SORBS2: variants seen among roughly 807,000 people sequenced by gnomAD.
SORBS2 encodes the protein sorbin and SH3 domain containing 2, also known as sorbin and SH3 domain-containing protein 2.
In SORBS2, 46 loss-of-function variants were observed where a neutral mutation model predicts 97.7. The ratio of observed to expected loss-of-function variants is 0.47; its 90% CI spans 0.37 to 0.60. The LOEUF is 0.60. Among genes scored for constraint, SORBS2 ranks in the 20% least tolerant of loss-of-function variants. SORBS2 has a pLI of 0.00. For synonymous variants in SORBS2, 476 were observed against 473.4 expected, an observed-to-expected ratio of 1.01 and a Z score of -0.07; for missense variants, 1,316 against 1,282.3, an observed-to-expected ratio of 1.03 and a Z score of -0.40.
At chr4:185,694,739 C>CTT (rs2098150217) in intron 2 of SORBS2, among the ~76,000 whole-genome samples, 1 of 115,988 alleles carries the variant, frequency 8.6e-6, no homozygotes, top group Non-Finnish European at 1.7e-5. Context: ...CGGAGTCTCA[C>CTT]TCTGCCGCCC....
chr4:185,873,778 A>G (rs2099231755), intron 1 of SORBS2, among the ~76,000 whole-genome samples: 1 of 152,228 alleles, frequency 6.6e-6, no homozygotes, highest in South Asian at 2.1e-4. Flanking sequence ...TGGCTTTTTA[A>G]GCCAAAATAT....
chr4:185,694,745 C>T (rs1197988913), intron 2 of SORBS2, among the ~76,000 whole-genome samples: 29 of 131,784 alleles, frequency 2.2e-4, no homozygotes, highest in Admixed American at 3.6e-4. Context: ...CTCACTCTGC[C>T]GCCCAGGCTA....
chr4:185,781,675 C>T (rs2099031508), intron 1 of SORBS2, among the ~76,000 whole-genome samples: 1 of 124,314 alleles, frequency 8.0e-6, no homozygotes. Context: ...TGCCTCCGGC[C>T]TCTCCAGCCT....
At chr4:185,823,865 G>A (rs73017885) in intron 1 of SORBS2, among the ~76,000 whole-genome samples, 2,193 of 152,214 alleles carry the variant, frequency 0.014, 58 homozygotes, top group African/African-American at 0.049. Flanking sequence ...TCTGCGGTTC[G>A]ATAAAAAGGC....
At chr4:185,789,312 C>G (rs1257503341) in intron 1 of SORBS2, among the ~76,000 whole-genome samples, 2 of 152,072 alleles carry the variant, frequency 1.3e-5, no homozygotes, top group Non-Finnish European at 1.5e-5. Flanking sequence ...TTAAGCAGTC[C>G]TGTAGAGAAC....
At chr4:185,637,766 TA>T (rs2097045629) in intron 4 of SORBS2, among the ~76,000 whole-genome samples, 1 of 152,050 alleles carries the variant, frequency 6.6e-6, no homozygotes, top group Non-Finnish European at 1.5e-5. Context: ...TGTAAACAAA[TA>T]CAAATCTTCT....
At chr4:185,714,689 T>C (rs772489140) in intron 2 of SORBS2, among the ~76,000 whole-genome samples, 6 of 152,192 alleles carry the variant, frequency 3.9e-5, no homozygotes, top group African/African-American at 7.2e-5. Context: ...AAGTCATGTC[T>C]TCCATGGTGG....
intron 1 of SORBS2, among the ~76,000 whole-genome samples, chr4:185,895,063 A>C (rs1260775383): frequency 6.6e-6 from 1 of 152,224 alleles, no homozygotes; most frequent in East Asian, 1.9e-4. Flanking sequence ...TTAGACTTGA[A>C]AACATGTGAT....
Position 185,594,069 on chromosome 4 carries a change from C to T in SORBS2, c.2797-134G>A, listed in dbSNP as rs552106097. 5.9e-5 allele frequency: 37 copies of T among 632,012 alleles called. No individual in the cohort carries two copies. In the African/African-American group the frequency reaches 6.7e-4, roughly 11 times the overall value. 39.2% of individuals were successfully genotyped at this position (632,012 alleles called of 1,614,324 possible). ...AAAAAACCAAGAGGAAGAAAAAAACCAAATAAAAGCTTTCTGCAGGATTAA... is the reference window on the plus strand; with the variant it reads ...AAAAAACCAAGAGGAAGAAAAAAACTAAATAAAAGCTTTCTGCAGGATTAA... On this transcript the variant is annotated intron_variant, in intron 12 of 14. Transcript: ENST00000418609.
At chr4:185,649,535 T>C in exon 3 of SORBS2, 7 of 1,605,858 alleles carry the variant, frequency 4.4e-6, no homozygotes, top group Non-Finnish European at 6.0e-6. Context: ...GGGGAGGCAC[T>C]GGGGAGGACG....
At chr4:185,626,292 TG>T (rs1310364954) in intron 6 of SORBS2, among the ~76,000 whole-genome samples, 2 of 152,168 alleles carry the variant, frequency 1.3e-5, no homozygotes, top group Non-Finnish European at 2.9e-5. Context: ...TGGCAGGAGG[TG>T]GATGCTCCAC....
chr4:185,937,375 G>A (rs2099269456), intron 1 of SORBS2, among the ~76,000 whole-genome samples: 2 of 152,180 alleles, frequency 1.3e-5, no homozygotes, highest in African/African-American at 4.8e-5. Context: ...TCTTAACAGA[G>A]CTATTGTTAG....
chr4:185,943,291 A>G (rs1245467865), intron 1 of SORBS2, among the ~76,000 whole-genome samples: 2 of 152,228 alleles, frequency 1.3e-5, no homozygotes, highest in Non-Finnish European at 2.9e-5. Context: ...AGATTACCTA[A>G]TGATTGTAAA....
At chr4:185,661,255 G>A (rs1045538741), upstream of SORBS2, among the ~76,000 whole-genome samples, 1 of 147,980 alleles carries the variant, frequency 6.8e-6, no homozygotes, top group Non-Finnish European at 1.5e-5. Flanking sequence ...CAGCCTGGGC[G>A]ACAGAGTGAG....
chr4:185,944,489 T>C (rs2099273592), intron 1 of SORBS2, among the ~76,000 whole-genome samples: 1 of 152,206 alleles, frequency 6.6e-6, no homozygotes, highest in South Asian at 2.1e-4. Context: ...CTAGAGACTA[T>C]AAAGACACAA....
chr4:185,678,593 C>A (rs756176595), intron 3 of SORBS2, 46 bp from the exon 7 acceptor site: 12 of 1,472,104 alleles, frequency 8.2e-6, no homozygotes, highest in South Asian at 1.4e-5. Context: ...TCTACGTTCA[C>A]TTAAACATTT....
intron 1 of SORBS2, among the ~76,000 whole-genome samples, chr4:185,801,991 G>A (rs1306269104): frequency 1.3e-5 from 2 of 152,126 alleles, no homozygotes; most frequent in Non-Finnish European, 2.9e-5. Flanking sequence ...AATTCTTGAT[G>A]CTACAAAGCT....
rs189256735 is a variant in SORBS2, at chr4:185,877,487, A to G, written c.-338+78709T>C. ...TATATTTGATTTAATCATTGAAAAT[A>G]CAGCTATTTATTTTAAATCATAAAA... On this transcript the variant is annotated intron_variant, in intron 1 of 20. Transcript: ENST00000284776. 1.9e-3 allele frequency among the ~76,000 whole-genome samples: 287 copies of G among 152,362 alleles called. 3 individuals are homozygous for G. The highest frequency in any genetic ancestry group is 6.6e-3 in the African/African-American group (273 of 41,588).
upstream of SORBS2, chr4:185,656,973 G>T: frequency 3.6e-6 from 4 of 1,114,920 alleles, no homozygotes; most frequent in Non-Finnish European, 4.4e-6. Context: ...CCAAATCACA[G>T]CTTCCAATCT....
Sources: gnomAD v4.1 joint callset for allele counts (sites outside exome capture counted in the v4.1 genomes callset) on GRCh38, gnomAD v4.1.1 for gene constraint, MANE v1.5 for transcripts, NCBI Gene and HGNC (gene_info 2026-07-23, HGNC 2026-07-21) for gene names.